IGHMBP2: variants seen among roughly 807,000 people sequenced by gnomAD.
IGHMBP2 encodes immunoglobulin mu DNA binding protein 2.
Under a neutral mutation model 96.0 loss-of-function variants are expected in IGHMBP2, and 81 were observed. The observed-to-expected ratio is 0.84, with a 90% confidence interval of 0.71 to 1.01. The LOEUF is 1.01. Among genes scored for constraint, IGHMBP2 ranks in the 50% least tolerant of loss-of-function variants. The pLI is 0.00. For missense variants in IGHMBP2, 1,227 were observed against 1,306.3 expected, an observed-to-expected ratio of 0.94 and a Z score of 0.94; for synonymous variants, 557 against 548.9, an observed-to-expected ratio of 1.01 and a Z score of -0.21.
At chr11:68,922,585 G>A (rs1858920590) in intron 7 of IGHMBP2, among the ~76,000 whole-genome samples, 1 of 151,926 alleles carries the variant, frequency 6.6e-6, no homozygotes, top group Non-Finnish European at 1.5e-5. Context: ...TAGTAGAGAC[G>A]GGGTTTCACC....
At chr11:68,916,168 C>T (rs1276262248) in intron 6 of IGHMBP2, among the ~76,000 whole-genome samples, 2 of 151,544 alleles carry the variant, frequency 1.3e-5, no homozygotes, top group African/African-American at 2.4e-5. Flanking sequence ...AGCAAGACTC[C>T]GTCTCAAAAA....
At chr11:68,938,388 G>T (rs1483148214) in intron 14 of IGHMBP2, 34 bp downstream of exon 14, 1 of 1,566,428 alleles carries the variant, frequency 6.4e-7, no homozygotes, top group Admixed American at 1.8e-5. Flanking sequence ...ATCAAACAGT[G>T]GGGAGGGGTG....
At position 68,930,529 on chromosome 11, in the gene IGHMBP2, G is replaced by A. The variant is rs535673523; in HGVS notation, c.1235+1172G>A. 8.0e-6 allele frequency: 10 copies of A among 1,244,494 alleles called. No individual in the cohort carries two copies. In the African/African-American group the frequency reaches 1.6e-4, roughly 19 times the overall value. The allele number at this position is 1,244,494 out of a possible 1,614,324, so 77.1% of individuals were successfully genotyped here. A position where few individuals can be genotyped will look rare whatever the true frequency, so the allele number is the denominator to read the frequency against. On this transcript the variant is annotated intron_variant, in intron 8 of 14. Transcript: ENST00000255078. Reference sequence around the variant, plus strand: ...ATGGTGGAAGAAAGAGGAGTGCTGAGGAAAGGTGCTCTGAAAGATCGTCCT... The same window carrying A: ...ATGGTGGAAGAAAGAGGAGTGCTGAAGAAAGGTGCTCTGAAAGATCGTCCT...
At chr11:68,930,391 G>A (rs1859243306) in intron 8 of IGHMBP2, 1 of 1,289,826 alleles carries the variant, frequency 7.8e-7, no homozygotes, top group South Asian at 1.2e-5. Context: ...ATCCTGTCGA[G>A]TAGAATCTCA....
At chr11:68,904,586 T>A (rs996407516) in intron 1 of IGHMBP2, among the ~76,000 whole-genome samples, 11 of 151,804 alleles carry the variant, frequency 7.2e-5, no homozygotes, top group Non-Finnish European at 1.6e-4. Flanking sequence ...GAGTGGTGCC[T>A]GAAGGAAAAT....
intron 4 of IGHMBP2, among the ~76,000 whole-genome samples, chr11:68,909,690 C>T (rs530355635): frequency 2.4e-4 from 34 of 141,960 alleles, no homozygotes; most frequent in African/African-American, 8.7e-4. Context: ...TGCAGTGGTG[C>T]GACCTCGGCT....
intron 5 of IGHMBP2, among the ~76,000 whole-genome samples, chr11:68,913,380 G>A (rs1344327280): frequency 1.3e-5 from 2 of 152,268 alleles, no homozygotes; most frequent in Non-Finnish European, 2.9e-5. Context: ...GGTTGGAGGC[G>A]ATGCTGGGCA....
At chr11:68,905,592 G>A (rs1212578797) in intron 1 of IGHMBP2, among the ~76,000 whole-genome samples, 2 of 152,216 alleles carry the variant, frequency 1.3e-5, no homozygotes, top group East Asian at 3.9e-4. Flanking sequence ...GGCCATCAGC[G>A]GGGTTAAGCA....
intron 7 of IGHMBP2, among the ~76,000 whole-genome samples, chr11:68,928,743 T>A (rs1279517970): frequency 6.7e-6 from 1 of 150,020 alleles, no homozygotes; most frequent in Non-Finnish European, 1.5e-5. Flanking sequence ...GAAAAGCTGC[T>A]GCAGTGGGTT....
chr11:68,939,909 C>G lies in IGHMBP2; in HGVS notation c.*178C>G. 1 of 652,600 alleles carries G rather than the reference C, an allele frequency of 1.5e-6. No individual in the cohort carries two copies. The highest frequency in any genetic ancestry group is 2.7e-6 in the Non-Finnish European group (1 of 376,622). The allele number at this position is 652,600 out of a possible 1,614,324, so 40.4% of individuals were successfully genotyped here. On this transcript the variant is annotated 3_prime_UTR_variant, in exon 15 of 15. Coordinates refer to ENST00000255078, the MANE Select transcript of IGHMBP2 (RefSeq NM_002180.3). ...CCCCAGGGATAAGCTTTTCCGATGT[C>G]ACAATGTGGAGGAAAGCACCTGGGG...
intron 7 of IGHMBP2, among the ~76,000 whole-genome samples, chr11:68,919,730 A>C (rs1249499343): frequency 6.6e-6 from 1 of 152,142 alleles, no homozygotes; most frequent in South Asian, 2.1e-4. Flanking sequence ...TTTTTGCTTC[A>C]TATCTTTGGA....
At chr11:68,914,406 G>C (rs113972218) in intron 5 of IGHMBP2, among the ~76,000 whole-genome samples, 41 of 152,346 alleles carry the variant, frequency 2.7e-4, no homozygotes, top group African/African-American at 9.1e-4. Context: ...GGCGTGGGAT[G>C]GGGGAGTGGC....
Position 68,903,959 on chromosome 11 carries a change from T to C in IGHMBP2, c.7T>C (p.Ser3Pro). MASAAVESFVTKQ... is the reference protein window; with the variant it reads MAPAAVESFVTKQ... ...GCCCAGGCCGGCGGCGGCGATGGCC[T>C]CGGCAGCTGTGGAGAGCTTCGTGAC... Residue 3 changes from serine (S) to proline (P), a missense_variant, in exon 1 of 15, where the codon TCG (serine) becomes CCG (proline). Ser to Pro is a moderately conservative substitution (Grantham distance 74). Coordinates refer to ENST00000255078, the MANE Select transcript of IGHMBP2 (RefSeq NM_002180.3). 6.4e-7 allele frequency: 1 copy of C among 1,564,426 alleles called. No homozygotes were observed. Among genetic ancestry groups the C allele is most frequent in the Non-Finnish European group, 8.7e-7 (1 of 1,154,494 alleles).
At chr11:68,935,687 G>A (rs1029473929) in intron 12 of IGHMBP2, among the ~76,000 whole-genome samples, 2 of 152,208 alleles carry the variant, frequency 1.3e-5, no homozygotes, top group African/African-American at 4.8e-5. Context: ...AGGACATCCT[G>A]CCGAGGAGGT....
intron 1 of IGHMBP2, among the ~76,000 whole-genome samples, chr11:68,904,803 C>CTTTTCTTTTCTTTTTT (rs892709461): frequency 8.3e-6 from 1 of 120,996 alleles, no homozygotes; most frequent in African/African-American, 3.0e-5. Flanking sequence ...TTTTCTTTTT[C>CTTTTCTTTTCTTTTTT]TTTTTTTTTT....
At position 68,936,339 on chromosome 11, in the gene IGHMBP2, A is replaced by G. The variant is rs775376931; in HGVS notation, c.1859A>G (p.His620Arg). ...VICDSRTVNN[H>R]AFLKTLVEYF... ...TGTGACTCCCGTACTGTCAACAACC[A>G]TGCATTTTTGAAGACCCTGGTGGAG... The change falls in exon 13 of 15, where the codon CAT becomes CGT. Residue 620 changes from histidine (H) to arginine (R), a missense_variant. Physicochemically the swap from His to Arg is conservative, Grantham distance 29. Transcript: ENST00000255078. The G allele has an allele frequency of 3.1e-6, 5 of 1,614,204 alleles. No homozygotes were observed. The highest frequency in any genetic ancestry group is 4.2e-6 in the Non-Finnish European group (5 of 1,180,030).
In IGHMBP2 at chr11:68,939,754, C is replaced by T. The variant is rs931118021; in HGVS notation, c.*23C>T. Reference sequence around the variant, plus strand: ...TGACCGGCCGCATCCTTGCACGCCCCGCGGAGCTCTCTCCATGGTAGCCCA... The same window carrying T: ...TGACCGGCCGCATCCTTGCACGCCCTGCGGAGCTCTCTCCATGGTAGCCCA... On this transcript the variant is annotated 3_prime_UTR_variant, in exon 15 of 15. Transcript: ENST00000255078. The T allele has an allele frequency of 2.0e-5, 31 of 1,586,842 alleles. No individual in the cohort carries two copies. Among genetic ancestry groups the T allele is most frequent in the East Asian group, 4.5e-5 (2 of 44,030 alleles).
chr11:68,904,196 C>G (rs531780568), intron 1 of IGHMBP2, among the ~76,000 whole-genome samples, 158 bp downstream of exon 1: 2 of 152,118 alleles, frequency 1.3e-5, no homozygotes, highest in South Asian at 2.1e-4. Flanking sequence ...GGCCACCTCC[C>G]GAGTTGTCAG....
At chr11:68,929,425 A>G in intron 8 of IGHMBP2, 68 bp downstream of exon 8, 1 of 1,465,444 alleles carries the variant, frequency 6.8e-7, no homozygotes, top group Non-Finnish European at 9.4e-7. Flanking sequence ...ACGCTCAGCC[A>G]GGAGCCCCAG....
Sources: allele counts gnomAD v4.1 joint callset (sites outside exome capture counted in the v4.1 genomes callset), GRCh38; gene constraint gnomAD v4.1.1; transcripts MANE v1.5; gene names NCBI Gene and HGNC (gene_info 2026-07-23, HGNC 2026-07-21).